OPCML: variants seen among roughly 807,000 people sequenced by gnomAD.
The protein encoded by OPCML is opioid binding protein/cell adhesion molecule like.
In OPCML, 13 loss-of-function variants were observed where a neutral mutation model predicts 37.8. The observed-to-expected ratio is 0.34, with a 90% confidence interval of 0.22 to 0.55. OPCML has a LOEUF of 0.55. Ranked by LOEUF, OPCML falls within the 20% of genes least tolerant of loss-of-function variation. The pLI, the probability that OPCML is intolerant of heterozygous loss-of-function variation, is 0.91. For missense variants in OPCML, 341 were observed against 435.6 expected, an observed-to-expected ratio of 0.78 and a Z score of 1.93; for synonymous variants, 176 against 168.8, an observed-to-expected ratio of 1.04 and a Z score of -0.33.
At chr11:132,631,522 A>C (rs778198492) in intron 3 of OPCML, among the ~76,000 whole-genome samples, 33 of 150,988 alleles carry the variant, frequency 2.2e-4, no homozygotes, top group Non-Finnish European at 3.7e-4. Context: ...TGCAGTGGCA[A>C]GATCTCGGCT....
At chr11:133,443,252 T>C (rs1345219789) in intron 1 of OPCML, among the ~76,000 whole-genome samples, 3 of 152,182 alleles carry the variant, frequency 2.0e-5, no homozygotes, top group African/African-American at 7.2e-5. Flanking sequence ...CAATCTTTTA[T>C]AGGAAAGCTT....
chr11:133,335,492 G>T (rs913461986), intron 1 of OPCML, among the ~76,000 whole-genome samples: 1 of 152,158 alleles, frequency 6.6e-6, no homozygotes, highest in Admixed American at 6.5e-5. Context: ...TCCTGGTGAG[G>T]CTGCTGCTGG....
At chr11:132,733,954 T>C (rs1174446790) in intron 2 of OPCML, among the ~76,000 whole-genome samples, 1 of 152,206 alleles carries the variant, frequency 6.6e-6, no homozygotes, top group Non-Finnish European at 1.5e-5. Flanking sequence ...TGAATTAAAA[T>C]TAAATTCCAG....
chr11:133,366,752 G>A (rs1339239128), intron 1 of OPCML, among the ~76,000 whole-genome samples: 2 of 152,186 alleles, frequency 1.3e-5, no homozygotes, highest in East Asian at 1.9e-4. Flanking sequence ...TTAGTATTGA[G>A]ATTACTTAGT....
At position 133,208,526 on chromosome 11, in the gene OPCML, C is replaced by T. The variant is rs903920834; in HGVS notation, c.62-265516G>A. 2.6e-5 allele frequency among the ~76,000 whole-genome samples: 4 copies of T among 152,282 alleles called. No individual in the cohort carries two copies. Among genetic ancestry groups the T allele is most frequent in the Admixed American group, 6.5e-5 (1 of 15,304 alleles). Reference sequence around the variant, plus strand: ...AGTGCAATGAAGTATGTCAGTAGGGCATCGTAAATATAATTCCAATGCTGG... The same window carrying T: ...AGTGCAATGAAGTATGTCAGTAGGGTATCGTAAATATAATTCCAATGCTGG... On this transcript the variant is annotated intron_variant, in intron 1 of 7. Coordinates refer to ENST00000524381, the MANE Select transcript of OPCML (RefSeq NM_001012393.5). This position sits in a 1 kb window ranked among gnomAD's most constrained non-coding sequence, Gnocchi z 8.9.
At chr11:133,445,748 C>T (rs562223549) in intron 1 of OPCML, among the ~76,000 whole-genome samples, 1 of 152,320 alleles carries the variant, frequency 6.6e-6, no homozygotes, top group East Asian at 1.9e-4. Flanking sequence ...TTTCTATGCA[C>T]TCCAGAGTAC....
intron 1 of OPCML, chr11:133,006,397 C>A (rs1232356228): frequency 1.0e-6 from 1 of 971,374 alleles, no homozygotes. Context: ...GACAAAGAAC[C>A]CCATCTTTAG....
chr11:132,783,816 AC>A (rs1947112649), intron 2 of OPCML, among the ~76,000 whole-genome samples: 1 of 152,196 alleles, frequency 6.6e-6, no homozygotes, highest in African/African-American at 2.4e-5. Context: ...GGGAGAAAAA[AC>A]ATCATGCATT....
At chr11:133,013,281 T>C (rs930577464) in intron 1 of OPCML, among the ~76,000 whole-genome samples, 21 of 152,202 alleles carry the variant, frequency 1.4e-4, no homozygotes, top group African/African-American at 4.3e-4. Context: ...CACTTTTTGG[T>C]TGGTGTACAA....
At chr11:133,256,670 C>T (rs1941320664) in intron 1 of OPCML, among the ~76,000 whole-genome samples, 1 of 152,018 alleles carries the variant, frequency 6.6e-6, no homozygotes, top group Non-Finnish European at 1.5e-5. Flanking sequence ...TTCTTTTTCC[C>T]ATTTACAGCT....
intron 7 of OPCML, 104 bp downstream of exon 7, chr11:132,435,982 G>A (rs908608114): frequency 5.1e-6 from 6 of 1,184,338 alleles, no homozygotes; most frequent in Non-Finnish European, 1.2e-6. Context: ...GGGTTGAGTA[G>A]GATGGATGGA....
intron 1 of OPCML, among the ~76,000 whole-genome samples, chr11:133,128,625 TG>T: frequency 6.6e-6 from 1 of 152,186 alleles, no homozygotes; most frequent in Non-Finnish European, 1.5e-5. Flanking sequence ...GAGCCTCAGA[TG>T]CCATAGCTTG....
At chr11:132,931,176 C>A (rs570152935) in intron 2 of OPCML, among the ~76,000 whole-genome samples, 1 of 150,896 alleles carries the variant, frequency 6.6e-6, no homozygotes, top group African/African-American at 2.4e-5. Context: ...CAAAATGGAT[C>A]ACAGGCTTAA....
chr11:132,773,476 G>C (rs560331413), intron 2 of OPCML: 2 of 152,250 alleles, frequency 1.3e-5, no homozygotes, highest in East Asian at 3.9e-4. Flanking sequence ...TGCAAATGTG[G>C]CTATCAAAGG....
intron 1 of OPCML, among the ~76,000 whole-genome samples, chr11:133,277,300 C>T (rs886340367): frequency 6.6e-5 from 10 of 151,854 alleles, no homozygotes; most frequent in African/African-American, 1.9e-4. Context: ...ATTTGGTTTT[C>T]GGGGAAGAAA....
At chr11:133,046,636 C>G (rs1488703129) in intron 1 of OPCML, among the ~76,000 whole-genome samples, 1 of 152,160 alleles carries the variant, frequency 6.6e-6, no homozygotes, top group Non-Finnish European at 1.5e-5. Flanking sequence ...CTGCATAGCC[C>G]CTGGCATGTG....
intron 2 of OPCML, among the ~76,000 whole-genome samples, chr11:132,700,538 A>T (rs1228151212): frequency 6.6e-6 from 1 of 151,620 alleles, no homozygotes; most frequent in Non-Finnish European, 1.5e-5. Context: ...TTCTTCTTTG[A>T]CCCCTCGTGG....
intron 3 of OPCML, among the ~76,000 whole-genome samples, chr11:132,606,672 G>C (rs1404748762): frequency 9.0e-6 from 1 of 110,736 alleles, no homozygotes; most frequent in African/African-American, 3.3e-5. Flanking sequence ...TGGGCCAATG[G>C]GACCGTGACT....
chr11:133,117,938 G>T, intron 1 of OPCML: 3 of 985,292 alleles, frequency 3.0e-6, no homozygotes, highest in African/African-American at 1.7e-5. Context: ...AGAAGGGAAT[G>T]GGGGCTGTCC....
Sources: gnomAD v4.1 joint callset for allele counts (sites outside exome capture counted in the v4.1 genomes callset) on GRCh38, gnomAD v4.1.1 for gene constraint, Gnocchi (gnomAD v3.1) non-coding constraint, MANE v1.5 for transcripts, NCBI Gene and HGNC (gene_info 2026-07-23, HGNC 2026-07-21) for gene names.